Variants in ARHGAP32 observed in about 807,000 individuals in gnomAD.
The protein encoded by ARHGAP32 is rho GTPase-activating protein 32.
Under a neutral mutation model 186.5 loss-of-function variants are expected in ARHGAP32, and 51 were observed. The observed-to-expected ratio is 0.27, with a 90% CI of 0.22 to 0.35. ARHGAP32 has a LOEUF of 0.35. Among genes scored for constraint, ARHGAP32 ranks in the 10% least tolerant of loss-of-function variants. The probability of loss-of-function intolerance (pLI) is 1.00; values close to 1 mark genes in which losing one functional copy is unlikely to be tolerated. For synonymous variants in ARHGAP32, 950 were observed against 964.3 expected (o/e 0.99, Z 0.27); for missense variants, 2,186 against 2,623.5 (o/e 0.83, Z 3.64).
chr11:129,056,234 C>T (rs1218349111), intron 10 of ARHGAP32, among the ~76,000 whole-genome samples: 1 of 152,142 alleles, frequency 6.6e-6, no homozygotes, highest in Non-Finnish European at 1.5e-5. Flanking sequence ...GAACTATCTG[C>T]TCAATTATTC....
rs554399700 is a variant in ARHGAP32 at position 129,227,628 on chromosome 11, T to A, written c.-5+51518A>T. Among the ~76,000 whole-genome samples, 285 of 152,170 alleles carry A rather than the reference T, an allele frequency of 1.9e-3. 4 individuals carry two copies. Among genetic ancestry groups the A allele is most frequent in the African/African-American group, 6.7e-3 (280 of 41,554 alleles). On this transcript the variant is annotated intron_variant, in intron 1 of 6. Transcript: ENST00000525234. ...AAAGGAGAGATGAAAATGGCTACAC[T>A]AACATCTAACAAAATAAGACTTTAA...
intron 5 of ARHGAP32, among the ~76,000 whole-genome samples, chr11:129,119,632 T>C (rs1281761667): frequency 1.3e-5 from 2 of 151,980 alleles, no homozygotes; most frequent in Non-Finnish European, 2.9e-5. Flanking sequence ...GCATGCCGAA[T>C]GGTGTTAAGT....
At chr11:129,229,443 CCT>C (rs1163613864) in intron 1 of ARHGAP32, among the ~76,000 whole-genome samples, 3 of 151,644 alleles carry the variant, frequency 2.0e-5, no homozygotes, top group African/African-American at 4.8e-5. Flanking sequence ...AACTTTTTCC[CCT>C]AATTAAACTT....
intron 10 of ARHGAP32, among the ~76,000 whole-genome samples, chr11:129,060,267 G>A (rs1814830856): frequency 6.6e-6 from 1 of 152,074 alleles, no homozygotes; most frequent in Non-Finnish European, 1.5e-5. Flanking sequence ...GAGATTTTAA[G>A]TGAAACCCTC....
At chr11:129,168,068 G>A (rs1451646956) in intron 1 of ARHGAP32, among the ~76,000 whole-genome samples, 1 of 151,862 alleles carries the variant, frequency 6.6e-6, no homozygotes, top group African/African-American at 2.4e-5. Context: ...AAGACAGTTG[G>A]ACCCCATCTG....
chr11:129,106,990 T>C (rs1371874086), intron 5 of ARHGAP32, among the ~76,000 whole-genome samples: 1 of 151,962 alleles, frequency 6.6e-6, no homozygotes, highest in East Asian at 1.9e-4. Context: ...TCCAAAGAGT[T>C]CCACACCAAG....
chr11:129,118,756 G>A (rs1324422369), intron 5 of ARHGAP32, among the ~76,000 whole-genome samples: 1 of 151,916 alleles, frequency 6.6e-6, no homozygotes, highest in Non-Finnish European at 1.5e-5. Context: ...ATTTAAAAGG[G>A]GTGGAGAATG....
At chr11:129,033,944 G>T (rs1263623611) in intron 11 of ARHGAP32, among the ~76,000 whole-genome samples, 1 of 152,116 alleles carries the variant, frequency 6.6e-6, no homozygotes, top group Non-Finnish European at 1.5e-5. Flanking sequence ...TGGTCTATCT[G>T]TACACATCTA....
intron 17 of ARHGAP32, 142 bp downstream of exon 17, chr11:128,981,274 G>T: frequency 1.2e-6 from 1 of 817,106 alleles, no homozygotes; most frequent in Non-Finnish European, 1.9e-6. Context: ...GTCAAATTGT[G>T]CATTTTGGTA....
At chr11:129,108,992 T>C (rs2135331170) in intron 5 of ARHGAP32, among the ~76,000 whole-genome samples, 1 of 152,254 alleles carries the variant, frequency 6.6e-6, no homozygotes, top group East Asian at 1.9e-4. Context: ...CATCCTACTC[T>C]GGTATTGAAC....
At chr11:129,129,348 C>T (rs539161800) in intron 2 of ARHGAP32, among the ~76,000 whole-genome samples, 383 of 151,088 alleles carry the variant, frequency 2.5e-3, no homozygotes, top group African/African-American at 8.9e-3. Flanking sequence ...CCCCTCCGCC[C>T]GGCAGCCGCC....
chr11:129,119,975 G>T (rs569086221), intron 5 of ARHGAP32, among the ~76,000 whole-genome samples: 403 of 152,158 alleles, frequency 2.6e-3, no homozygotes, highest in African/African-American at 9.2e-3. Context: ...CAGAAATCTG[G>T]CTTTTACTCT....
intron 12 of ARHGAP32, among the ~76,000 whole-genome samples, chr11:128,995,004 C>T (rs945216600): frequency 5.3e-5 from 8 of 151,746 alleles, no homozygotes; most frequent in African/African-American, 1.9e-4. Context: ...ATTAATCTTC[C>T]AGGATTATTA....
At chr11:129,109,988 T>C (rs777211952) in intron 5 of ARHGAP32, among the ~76,000 whole-genome samples, 3 of 152,170 alleles carry the variant, frequency 2.0e-5, no homozygotes, top group Non-Finnish European at 4.4e-5. Context: ...CTGTTGCCTG[T>C]GCTTAGTTCT....
chr11:129,074,815 T>C (rs1341483353), intron 6 of ARHGAP32, among the ~76,000 whole-genome samples: 3 of 152,042 alleles, frequency 2.0e-5, no homozygotes, highest in African/African-American at 7.2e-5. Flanking sequence ...TTTAATGTAA[T>C]TGATATTCTA....
intron 1 of ARHGAP32, among the ~76,000 whole-genome samples, chr11:129,226,266 A>G (rs1565473609): frequency 6.6e-6 from 1 of 152,200 alleles, no homozygotes; most frequent in Non-Finnish European, 1.5e-5. Flanking sequence ...GATGAAAAGC[A>G]TTAAAATCTG....
chr11:129,193,575 T>TAATATATATATATTATATATAATATATA (rs368694693), upstream of ARHGAP32, among the ~76,000 whole-genome samples: 133 of 54,020 alleles, frequency 2.5e-3, 4 homozygotes, highest in African/African-American at 8.9e-3. Context: ...ATATAATATA[T>TAATATATATATATTATATATAATATATA]ATATATTATA....
intron 11 of ARHGAP32, among the ~76,000 whole-genome samples, chr11:129,010,794 T>G (rs146225393): frequency 6.6e-6 from 1 of 152,356 alleles, no homozygotes; most frequent in African/African-American, 2.4e-5. Context: ...TAAAAGCTTC[T>G]GATTTCTGTT....
chr11:128,972,299 T>C, intron 22 of ARHGAP32, 154 bp downstream of exon 22: 1 of 804,932 alleles, frequency 1.2e-6, no homozygotes, highest in Non-Finnish European at 1.8e-6. Context: ...AATGGCAGAC[T>C]CCAACCTCAA....
Sources: allele counts gnomAD v4.1 joint callset (sites outside exome capture counted in the v4.1 genomes callset), GRCh38; gene constraint gnomAD v4.1.1; transcripts MANE v1.5; gene names NCBI Gene and HGNC (gene_info 2026-07-23, HGNC 2026-07-21).